Variants in C12orf42 observed in about 807,000 individuals in gnomAD.
The protein encoded by C12orf42 is chromosome 12 open reading frame 42.
In C12orf42, 25 loss-of-function variants were observed where a neutral mutation model predicts 21.6. The ratio of observed to expected loss-of-function variants is 1.16; its 90% CI spans 0.84 to 1.62. The LOEUF is 1.62. Ranked by LOEUF, C12orf42 falls within the 40% of genes most tolerant of loss-of-function variation. The probability of loss-of-function intolerance (pLI) is 0.00; values close to 1 mark genes in which losing one functional copy is unlikely to be tolerated. For synonymous variants in C12orf42, 174 were observed against 175.0 expected (o/e 0.99, Z 0.05); for missense variants, 483 against 459.3 (o/e 1.05, Z -0.47).
the C12orf42 span, among the ~76,000 whole-genome samples, chr12:103,172,486 C>T: frequency 0.016 from 2,480 of 152,156 alleles, 29 homozygotes; most frequent in Middle Eastern, 0.031. Flanking sequence ...ATATCTCATT[C>T]CTCACAATGC....
the C12orf42 span, among the ~76,000 whole-genome samples, chr12:103,231,021 C>A: frequency 1.3e-5 from 2 of 151,968 alleles, no homozygotes; most frequent in African/African-American, 2.4e-5. Flanking sequence ...AGTATATTTT[C>A]TTCTATACCT....
At chr12:103,074,628 T>C in the C12orf42 span, among the ~76,000 whole-genome samples, 4 of 152,182 alleles carry the variant, frequency 2.6e-5, no homozygotes, top group Non-Finnish European at 4.4e-5. Flanking sequence ...TTCTGAATTG[T>C]CTATAAATAA....
chr12:103,366,718 C>A (rs2044637393), intron 4 of C12orf42, among the ~76,000 whole-genome samples: 1 of 152,052 alleles, frequency 6.6e-6, no homozygotes, highest in East Asian at 1.9e-4. Flanking sequence ...TGCTCAACAA[C>A]ACTAATAATC....
the C12orf42 span, among the ~76,000 whole-genome samples, chr12:103,145,012 A>C: frequency 2.1e-4 from 32 of 152,152 alleles, no homozygotes; most frequent in Non-Finnish European, 3.7e-4. Context: ...TACCCTGGAT[A>C]TATTGGGGCT....
chr12:103,320,748 C>A (rs2040006390), intron 4 of C12orf42, among the ~76,000 whole-genome samples: 1 of 151,892 alleles, frequency 6.6e-6, no homozygotes, highest in Non-Finnish European at 1.5e-5. Flanking sequence ...AAAAAAAAAT[C>A]AAGGAAAAGA....
At chr12:103,390,535 G>T (rs574630124) in intron 3 of C12orf42, among the ~76,000 whole-genome samples, 33 of 152,270 alleles carry the variant, frequency 2.2e-4, no homozygotes, top group Admixed American at 1.9e-3. Flanking sequence ...AATACTACAT[G>T]TGGTAATCAG....
chr12:103,223,520 A>G, the C12orf42 span, among the ~76,000 whole-genome samples: 3 of 152,192 alleles, frequency 2.0e-5, no homozygotes, highest in Admixed American at 1.3e-4. Flanking sequence ...AGCAAAGATT[A>G]TTTATTTACT....
intron 2 of C12orf42, among the ~76,000 whole-genome samples, chr12:103,435,103 G>C (rs1239994900): frequency 2.0e-5 from 3 of 151,944 alleles, no homozygotes; most frequent in Admixed American, 2.0e-4. Context: ...CCTGACCCCC[G>C]AGCAGCCTAA....
the C12orf42 span, among the ~76,000 whole-genome samples, chr12:103,160,068 G>A: frequency 6.6e-6 from 1 of 152,168 alleles, no homozygotes. Context: ...TATAATCACA[G>A]GGCAAGAGTT....
At chr12:103,151,511 C>G in the C12orf42 span, among the ~76,000 whole-genome samples, 2 of 152,096 alleles carry the variant, frequency 1.3e-5, no homozygotes, top group East Asian at 3.9e-4. Context: ...TATAAACTGC[C>G]ATTTATAGTT....
In C12orf42 at chr12:103,284,139, G is replaced by A. The variant is rs145222610; in HGVS notation, n.338-6929C>T. Among the ~76,000 whole-genome samples the A allele has an allele frequency of 5.7e-3, 865 of 152,148 alleles. 5 individuals are homozygous for A. Among genetic ancestry groups the A allele is most frequent in the Non-Finnish European group, 8.6e-3 (588 of 68,004 alleles). On this transcript the variant is annotated intron_variant and non_coding_transcript_variant, in intron 4 of 6. Transcript: ENST00000546526. The stretch of plus-strand genomic sequence containing the variant: ...GAGTGCTCCTAATTAGGGCTGTCTC[G>A]GAGAACATTACATAAGACGGCAAGG...
chr12:103,233,547 G>A (rs1423380005), downstream of C12orf42, among the ~76,000 whole-genome samples: 1 of 152,122 alleles, frequency 6.6e-6, no homozygotes, highest in Non-Finnish European at 1.5e-5. Context: ...TATTTTGTTA[G>A]ATTTATACTG....
the C12orf42 span, among the ~76,000 whole-genome samples, chr12:103,525,568 ATATTAT>A: frequency 1.3e-5 from 2 of 152,170 alleles, no homozygotes; most frequent in African/African-American, 4.8e-5. Flanking sequence ...CTGAGGTAAA[ATATTAT>A]TATTAACAGT....
At chr12:103,202,473 A>G in the C12orf42 span, among the ~76,000 whole-genome samples, 14 of 152,230 alleles carry the variant, frequency 9.2e-5, no homozygotes, top group Non-Finnish European at 1.6e-4. Flanking sequence ...AGGAGTTAGT[A>G]TATCTCCACT....
the C12orf42 span, among the ~76,000 whole-genome samples, chr12:103,199,515 G>A: frequency 6.6e-6 from 1 of 152,152 alleles, no homozygotes; most frequent in Non-Finnish European, 1.5e-5. Context: ...TCAACAAAAT[G>A]AGAAGGCGAC....
chr12:103,048,221 T>C, the C12orf42 span, among the ~76,000 whole-genome samples: 1 of 151,948 alleles, frequency 6.6e-6, no homozygotes, highest in East Asian at 1.9e-4. Flanking sequence ...AGGGGAATAG[T>C]TCATTAGAAT....
the C12orf42 span, among the ~76,000 whole-genome samples, chr12:103,085,627 A>C: frequency 1.3e-5 from 2 of 152,110 alleles, no homozygotes; most frequent in Non-Finnish European, 2.9e-5. Context: ...GTAATGAAGA[A>C]TCTGACTCCT....
intron 4 of C12orf42, among the ~76,000 whole-genome samples, chr12:103,294,583 G>GGAAGGAAGGAAGGAAAGAGA (rs1300203895): frequency 1.2e-5 from 1 of 80,280 alleles, no homozygotes; most frequent in Non-Finnish European, 2.4e-5. Flanking sequence ...AAGGAAGGAA[G>GGAAGGAAGGAAGGAAAGAGA]GAAAGAAAGA....
At chr12:103,257,595 T>C (rs536255402) in intron 10 of C12orf42, among the ~76,000 whole-genome samples, 192 of 146,980 alleles carry the variant, frequency 1.3e-3, no homozygotes, top group African/African-American at 4.8e-3. Context: ...ATTTTGAAAA[T>C]GAAGACTAAA....
Sources: allele counts gnomAD v4.1 joint callset (sites outside exome capture counted in the v4.1 genomes callset), GRCh38; gene constraint gnomAD v4.1.1; transcripts MANE v1.5; gene names NCBI Gene and HGNC (gene_info 2026-07-23, HGNC 2026-07-21).